Variants in KLB observed in about 807,000 individuals in gnomAD.
KLB encodes the protein beta-klotho.
KLB carries 44 observed loss-of-function variants against 88.4 expected under a neutral mutation model. The observed-to-expected ratio is 0.50, with a 90% CI of 0.39 to 0.64. KLB has a LOEUF of 0.64. Among genes scored for constraint, KLB ranks in the 30% least tolerant of loss-of-function variants. KLB has a pLI of 0.00. For synonymous variants in KLB, 548 were observed against 513.4 expected, an observed-to-expected ratio of 1.07 and a Z score of -0.91; for missense variants, 1,137 against 1,304.8, an observed-to-expected ratio of 0.87 and a Z score of 1.98.
At chr4:39,442,241 CAAAA>C (rs547196892) in intron 3 of KLB, among the ~76,000 whole-genome samples, 1 of 138,806 alleles carries the variant, frequency 7.2e-6, no homozygotes, top group African/African-American at 2.6e-5. Context: ...GACCCTGTCT[CAAAA>C]AAAAAAAAAA....
intron 1 of KLB, among the ~76,000 whole-genome samples, chr4:39,427,344 G>A (rs779596704): frequency 1.3e-4 from 19 of 151,986 alleles, no homozygotes; most frequent in Non-Finnish European, 2.4e-4. Context: ...TTAGCTGGGC[G>A]TGGTGGCAGG....
chr4:39,427,762 C>T (rs553120639), intron 1 of KLB, among the ~76,000 whole-genome samples: 3 of 152,276 alleles, frequency 2.0e-5, no homozygotes, highest in Non-Finnish European at 2.9e-5. Flanking sequence ...TTCAAATTTA[C>T]GTTTGTGTCA....
Position 39,446,414 on chromosome 4 carries a change from G to A in KLB, c.1688G>A (p.Arg563Gln), listed in dbSNP as rs1319258377. 5.0e-6 allele frequency: 8 copies of A among 1,614,056 alleles called. No homozygotes were observed. Among genetic ancestry groups the A allele is most frequent in the South Asian group, 1.1e-5 (1 of 91,084 alleles). ...GCCACTGGCAACAGACTGTTGCACC[G>A]AGTGGAAGGGGTGAGGCTGAAAACA... The part of the protein sequence containing the change: ...WNATGNRLLH[R>Q]VEGVRLKTRP... Residue 563 changes from arginine to glutamine, a missense_variant, in exon 4 of 5, where the codon CGA becomes CAA. By Grantham distance (43) the Arg-to-Gln change is conservative (BLOSUM62 1). This residue lies in a region of KLB where 597 missense variants were observed against 765.2 expected (regional missense o/e 0.78). Transcript: ENST00000257408. The surrounding 1 kb of genome is among the most constrained non-coding windows in gnomAD (Gnocchi z 6.4).
rs753626014 is a variant in KLB at position 39,446,805 on chromosome 4, G to A, written c.2079G>A (p.Glu693=). The A allele has an allele frequency of 2.5e-6, 4 of 1,612,834 alleles. No individual in the cohort carries two copies. Among genetic ancestry groups the A allele is most frequent in the Non-Finnish European group, 8.5e-7 (1 of 1,179,754 alleles). Residue 693 remains glutamate (E), a synonymous_variant, in exon 4 of 5, where the codon GAG becomes GAA. Transcript: ENST00000257408. This position sits in a 1 kb window ranked among gnomAD's most constrained non-coding sequence, Gnocchi z 6.4. ...DLVKLWITIN[E]PNRLSDIYNR... The stretch of plus-strand genomic sequence containing the variant: ...TGAAGCTCTGGATCACCATCAACGA[G>A]CCTAACCGGCTAAGTGACATCTACA...
At chr4:39,432,284 T>G (rs1192491027) in intron 1 of KLB, among the ~76,000 whole-genome samples, 1 of 148,444 alleles carries the variant, frequency 6.7e-6, no homozygotes, top group East Asian at 2.0e-4. Context: ...AGACTCTGTC[T>G]CAAAGAAAAA....
rs151240152 is a variant in KLB, at chr4:39,411,300, A to C, written c.825+3526A>C. ...CCCGACCCACAGCGCCCGGCCTCAA[A>C]ACTAAGGTTTTTTTTGTTTTGTTTT... On this transcript the variant is annotated intron_variant, in intron 1 of 4. Transcript: ENST00000257408. Among the ~76,000 whole-genome samples, 1,485 of 149,038 alleles carry C rather than the reference A, an allele frequency of 1.0e-2. 29 individuals carry two copies. Among genetic ancestry groups the C allele is most frequent in the African/African-American group, 0.033 (1,341 of 40,432 alleles).
intron 1 of KLB, among the ~76,000 whole-genome samples, chr4:39,421,938 G>T (rs1743096960): frequency 6.6e-6 from 1 of 152,100 alleles, no homozygotes; most frequent in African/African-American, 2.4e-5. Context: ...TAGAGGCAGG[G>T]TTTCACCATG....
intron 1 of KLB, among the ~76,000 whole-genome samples, chr4:39,414,630 A>G (rs1306237800): frequency 2.6e-5 from 4 of 152,086 alleles, no homozygotes; most frequent in South Asian, 4.2e-4. Context: ...CAACACTTTG[A>G]GAGGCCAAGG....
At position 39,434,282 on chromosome 4, in the gene KLB, T is replaced by C. The variant is rs1213584338; in HGVS notation, c.898T>C (p.Leu300=). The C allele has an allele frequency of 1.2e-5, 19 of 1,614,006 alleles. No homozygotes were observed. The highest frequency in any genetic ancestry group is 1.5e-5 in the Non-Finnish European group (18 of 1,179,964). The change falls in exon 2 of 5, where the codon TTG becomes CTG. Residue 300 remains leucine (L), a synonymous_variant. Transcript: ENST00000257408. Reference sequence around the variant, plus strand: ...TCAGAAGGGTTGGTTATCGATCACGTTGGGATCTCATTGGATCGAGCCAAA... The same window carrying C: ...TCAGAAGGGTTGGTTATCGATCACGCTGGGATCTCATTGGATCGAGCCAAA... ...PHQKGWLSIT[L]GSHWIEPNRS... is the part of the protein sequence containing the mutation.
chr4:39,446,958 G>C lies in KLB; in HGVS notation c.2232G>C (p.Ala744=), dbSNP rs750573803. The C allele has an allele frequency of 1.2e-6, 2 of 1,606,188 alleles. No individual in the cohort carries two copies. Among genetic ancestry groups the C allele is most frequent in the Non-Finnish European group, 1.7e-6 (2 of 1,179,270 alleles). Residue 744 remains alanine (A), a synonymous_variant, in exon 4 of 5, where the codon GCG becomes GCC. Coordinates refer to ENST00000257408, the MANE Select transcript of KLB (RefSeq NM_175737.4). The surrounding 1 kb of genome is among the most constrained non-coding windows in gnomAD (Gnocchi z 6.4). Reference sequence around the variant, plus strand: ...GGGCCGTGTCGCTGTCGCTGCACGCGGACTGGGCGGAACCCGCCAACCCCT... The same window carrying C: ...GGGCCGTGTCGCTGTCGCTGCACGCCGACTGGGCGGAACCCGCCAACCCCT... ...QRGAVSLSLH[A]DWAEPANPYA... is the part of the protein sequence containing the mutation.
chr4:39,414,135 T>TA (rs1249713095), intron 1 of KLB, among the ~76,000 whole-genome samples: 4 of 152,094 alleles, frequency 2.6e-5, no homozygotes, highest in Admixed American at 2.6e-4. Flanking sequence ...TATTCTATAG[T>TA]AGACAACTGG....
chr4:39,416,813 C>G (rs1467611648), intron 1 of KLB, among the ~76,000 whole-genome samples: 1 of 151,968 alleles, frequency 6.6e-6, no homozygotes, highest in Non-Finnish European at 1.5e-5. Context: ...CAAAAACAGC[C>G]GTGAAAATGC....
intron 1 of KLB, among the ~76,000 whole-genome samples, chr4:39,416,188 C>T (rs1006859378): frequency 6.6e-6 from 1 of 151,856 alleles, no homozygotes; most frequent in Non-Finnish European, 1.5e-5. Context: ...AGATATGTCT[C>T]TTTAAAATAT....
At chr4:39,434,813 T>A in intron 2 of KLB, 93 bp downstream of exon 2, 2 of 341,126 alleles carry the variant, frequency 5.9e-6, no homozygotes, top group Non-Finnish European at 9.1e-6. Flanking sequence ...ATTGTTGGGC[T>A]TTTTTTTTTT....
chr4:39,446,759 T>A lies in KLB; in HGVS notation c.2033T>A (p.Phe678Tyr). 1 of 1,607,296 alleles carries A rather than the reference T, an allele frequency of 6.2e-7. No homozygotes were observed. The highest frequency in any genetic ancestry group is 1.1e-5 in the South Asian group (1 of 89,882). ...TTCCAGGCCTACGCTGGGCTGTGCT[T>A]CCAGGAGCTGGGGGACCTGGTGAAG... ...EAFQAYAGLC[F>Y]QELGDLVKLW... The change falls in exon 4 of 5, where the codon TTC becomes TAC. Residue 678 changes from phenylalanine (F) to tyrosine (Y), a missense_variant. Coordinates refer to ENST00000257408, the MANE Select transcript of KLB (RefSeq NM_175737.4). This position sits in a 1 kb window ranked among gnomAD's most constrained non-coding sequence, Gnocchi z 6.4.
At chr4:39,418,954 A>G (rs913021846) in intron 1 of KLB, among the ~76,000 whole-genome samples, 2 of 151,712 alleles carry the variant, frequency 1.3e-5, no homozygotes, top group East Asian at 1.9e-4. Flanking sequence ...TAAAAAAAAA[A>G]AAAAAAAGAA....
rs1023377055 is a variant in KLB at position 39,449,798 on chromosome 4, A to T, written c.*1112A>T. ...AAGTTAGCCGGGCATGGTGGTGGGC[A>T]CCTGTAATCCCAGCTACTCAGGAGG... is the stretch of plus-strand genomic sequence containing the variant. On this transcript the variant is annotated 3_prime_UTR_variant, in exon 5 of 5. Coordinates refer to ENST00000257408, the MANE Select transcript of KLB (RefSeq NM_175737.4). 5.9e-5 allele frequency: 9 copies of T among 152,106 alleles called. No homozygotes were observed. Among genetic ancestry groups the T allele is most frequent in the African/African-American group, 2.2e-4 (9 of 41,386 alleles). The allele number at this position is 152,106 out of a possible 1,614,324, so 9.4% of individuals were successfully genotyped here.
At chr4:39,427,636 GC>G (rs771523516) in intron 1 of KLB, among the ~76,000 whole-genome samples, 14 of 152,270 alleles carry the variant, frequency 9.2e-5, no homozygotes, top group Non-Finnish European at 1.9e-4. Flanking sequence ...TCAGCCACGA[GC>G]CTTGGCAAGT....
At chr4:39,442,447 T>C (rs1342480369) in intron 3 of KLB, among the ~76,000 whole-genome samples, 1 of 151,426 alleles carries the variant, frequency 6.6e-6, no homozygotes, top group South Asian at 2.1e-4. Flanking sequence ...TTTTTTTTTT[T>C]TTTTGAGACA....
Sources: allele counts gnomAD v4.1 joint callset (sites outside exome capture counted in the v4.1 genomes callset), GRCh38; gene constraint gnomAD v4.1.1; regional missense constraint gnomAD v4.1.1; non-coding constraint Gnocchi (gnomAD v3.1); transcripts MANE v1.5; gene names NCBI Gene and HGNC (gene_info 2026-07-23, HGNC 2026-07-21).